The following PER2 variants were observed in gnomAD, a reference collection of about 807,000 sequenced individuals.
PER2 encodes period circadian protein homolog 2.
Under a neutral mutation model 121.0 loss-of-function variants are expected in PER2, and 66 were observed. That is an observed-to-expected ratio of 0.55 (90% confidence interval 0.45 to 0.67). The LOEUF is 0.67. Ranked by LOEUF, PER2 falls within the 30% of genes least tolerant of loss-of-function variation. The probability of loss-of-function intolerance (pLI) is 0.00; values close to 1 mark genes in which losing one functional copy is unlikely to be tolerated. For missense variants in PER2, 1,521 were observed against 1,635.0 expected (o/e 0.93, Z 1.20); for synonymous variants, 684 against 659.9 (o/e 1.04, Z -0.56).
At chr2:238,250,816 A>G (rs1695578255) in intron 20 of PER2, 73 bp from the exon 21 acceptor site, 1 of 1,088,460 alleles carries the variant, frequency 9.2e-7, no homozygotes, top group Non-Finnish European at 1.4e-6. Context: ...GTGCTTCCTC[A>G]AAGTCAGAAT....
At position 238,261,758 on chromosome 2, in the gene PER2, T is replaced by C; in HGVS notation, c.1387A>G (p.Thr463Ala). ...KALHPSIQEL[T>A]EQIHRLLLQP... ...AGCAGGAGCCGGTGGATCTGCTCTG[T>C]GAGCTCCTGAATGCTGGGGTGCAGG... The change falls in exon 12 of 23, where the codon ACA (threonine) becomes GCA (alanine). Residue 463 changes from threonine to alanine, a missense_variant. Coordinates refer to ENST00000254657, the MANE Select transcript of PER2 (RefSeq NM_022817.3). The C allele has an allele frequency of 6.4e-7, 1 of 1,566,028 alleles. No individual in the cohort carries two copies. Among genetic ancestry groups the C allele is most frequent in the Non-Finnish European group, 8.7e-7 (1 of 1,153,078 alleles).
chr2:238,251,656 C>G lies in PER2; in HGVS notation c.3217G>C (p.Ala1073Pro). The G allele has an allele frequency of 6.2e-7, 1 of 1,614,228 alleles. No homozygotes were observed. Among genetic ancestry groups the G allele is most frequent in the South Asian group, 1.1e-5 (1 of 91,092 alleles). The change falls in exon 20 of 23, where the codon GCT (alanine) becomes CCT (proline). Residue 1073 changes from alanine (A) to proline (P), a missense_variant. Ala to Pro is a conservative substitution (Grantham distance 27). Coordinates refer to ENST00000254657, the MANE Select transcript of PER2 (RefSeq NM_022817.3). ...GAGCCGGAGCCCAGAGACTCCGAAG[C>G]AGCAGAGCCCGAGGCTGAGCAGAGG... ...EDLCSASGSAASESLGSGSLG... is the reference protein window; with the variant it reads ...EDLCSASGSAPSESLGSGSLG...
upstream of PER2, among the ~76,000 whole-genome samples, chr2:238,294,739 C>T (rs1381738126): frequency 6.6e-6 from 1 of 152,226 alleles, no homozygotes; most frequent in African/African-American, 2.4e-5. Context: ...CCCTCACCAC[C>T]CTGCCCCTAT....
upstream of PER2, among the ~76,000 whole-genome samples, chr2:238,290,922 CA>C (rs1021149923): frequency 2.0e-5 from 3 of 152,204 alleles, no homozygotes; most frequent in Admixed American, 1.3e-4. Flanking sequence ...TGAGCTCCTA[CA>C]ATCAGGCCAA....
At chr2:238,286,199 T>C (rs148110136) in intron 1 of PER2, among the ~76,000 whole-genome samples, 178 of 152,330 alleles carry the variant, frequency 1.2e-3, no homozygotes, top group African/African-American at 4.2e-3. Context: ...CTACTCCGAA[T>C]TGCAGGAAGC....
At chr2:238,292,858 C>A (rs1696971367), upstream of PER2, among the ~76,000 whole-genome samples, 1 of 151,650 alleles carries the variant, frequency 6.6e-6, no homozygotes, top group African/African-American at 2.4e-5. Flanking sequence ...CTGCCTCAGC[C>A]TCCTGAGTAG....
intron 1 of PER2, among the ~76,000 whole-genome samples, chr2:238,282,066 C>T (rs1003352688): frequency 7.9e-5 from 12 of 152,218 alleles, no homozygotes; most frequent in African/African-American, 2.9e-4. Flanking sequence ...AGGGGCTTAG[C>T]TTACGCCCGG....
At chr2:238,297,186 C>T in the PER2 span, among the ~76,000 whole-genome samples, 3 of 151,380 alleles carry the variant, frequency 2.0e-5, no homozygotes, top group South Asian at 2.1e-4. Context: ...CCACGCTCTG[C>T]GGCTGGCCAA....
At chr2:238,282,989 G>A (rs1222840808) in intron 1 of PER2, among the ~76,000 whole-genome samples, 1 of 152,240 alleles carries the variant, frequency 6.6e-6, no homozygotes, top group East Asian at 1.9e-4. Context: ...ACCTGAGGCT[G>A]GCACTGGGCA....
rs776421726 is a variant in PER2, at chr2:238,257,057, G to A, written c.1930C>T (p.Arg644Cys). 25 of 1,612,974 alleles carry A rather than the reference G, an allele frequency of 1.5e-5. 1 individual carries two copies. In the African/African-American group the frequency reaches 2.1e-4, roughly 14 times the overall value. The part of the protein sequence containing the change: ...EAEPPSRVNS[R>C]TGVGTHLTSL... ...GTCAGGTGCGTACCTACTCCCGTGC[G>A]GCTGTTCACCCTGGAGGGCGGCTCT... Residue 644 changes from arginine (R) to cysteine (C), a missense_variant, in exon 17 of 23, where the codon CGC becomes TGC. Coordinates refer to ENST00000254657, the MANE Select transcript of PER2 (RefSeq NM_022817.3).
chr2:238,284,215 G>A (rs1167368887), intron 1 of PER2, among the ~76,000 whole-genome samples: 1 of 152,080 alleles, frequency 6.6e-6, no homozygotes, highest in African/African-American at 2.4e-5. Context: ...AGGCTGAGGC[G>A]GTGGATCACC....
intron 3 of PER2, among the ~76,000 whole-genome samples, chr2:238,276,817 A>G (rs750117892): frequency 3.9e-5 from 6 of 152,198 alleles, no homozygotes; most frequent in South Asian, 2.1e-4. Flanking sequence ...ACATAGGGTA[A>G]GTTTGTTACA....
At chr2:238,295,580 C>T in the PER2 span, 1 of 152,504 alleles carries the variant, frequency 6.6e-6, no homozygotes, top group East Asian at 1.9e-4. Flanking sequence ...CGGTGAGTGA[C>T]CGCTTTCCTG....
intron 1 of PER2, among the ~76,000 whole-genome samples, chr2:238,284,441 C>CA (rs199867354): frequency 0.032 from 2,647 of 82,858 alleles, 54 homozygotes; most frequent in East Asian, 0.1. Flanking sequence ...GACTCTATCT[C>CA]AAAAAAAAAA....
Position 238,250,694 on chromosome 2 carries a change from G to A in PER2, c.3324C>T (p.Ser1108=), listed in dbSNP as rs1033701172. Residue 1108 remains serine, a synonymous_variant, in exon 21 of 23, where the codon TCC becomes TCT. Coordinates refer to ENST00000254657, the MANE Select transcript of PER2 (RefSeq NM_022817.3). Reference sequence around the variant, plus strand: ...TTTTTGCTTTGTGATTATTCTCTGAGGAGTCAATGCTTCCAAAATATTTGC... The same window carrying A: ...TTTTTGCTTTGTGATTATTCTCTGAAGAGTCAATGCTTCCAAAATATTTGC... The part of the protein sequence containing the change: ...HTSKYFGSID[S]SENNHKAKMN... 3 of 1,613,758 alleles carry A rather than the reference G, an allele frequency of 1.9e-6. No homozygotes were observed. The highest frequency in any genetic ancestry group is 2.7e-5 in the African/African-American group (2 of 74,930).
chr2:238,255,701 T>G lies in PER2; in HGVS notation c.2276A>C (p.His759Pro), dbSNP rs1051184081. 3 of 1,614,098 alleles carry G rather than the reference T, an allele frequency of 1.9e-6. No homozygotes were observed. In the African/African-American group the frequency reaches 4.0e-5, roughly 22 times the overall value. The change falls in exon 18 of 23, where the codon CAT becomes CCT. Residue 759 changes from histidine to proline, a missense_variant. Physicochemically the swap from His to Pro is moderately conservative, Grantham distance 77 (BLOSUM62 -2). Coordinates refer to ENST00000254657, the MANE Select transcript of PER2 (RefSeq NM_022817.3). ...CTTGGATCTTTCTTGCAAGTAGTAA[T>G]GGCAGTGGGACTGGAAAATGCTGAG... ...RKLSIFQSHC[H>P]YYLQERSKGQ...
At chr2:238,294,237 T>C (rs1299619581), upstream of PER2, among the ~76,000 whole-genome samples, 1 of 152,212 alleles carries the variant, frequency 6.6e-6, no homozygotes, top group Admixed American at 6.5e-5. Flanking sequence ...TGTCCCTCTC[T>C]GTCTAGTGTG....
In PER2 at chr2:238,267,537, G is replaced by C. The variant is rs564359172; in HGVS notation, c.967+519C>G. Among the ~76,000 whole-genome samples, 87 of 152,298 alleles carry C rather than the reference G, an allele frequency of 5.7e-4. No individual in the cohort carries two copies. The Middle Eastern group carries it at 0.014, about 24-fold the overall frequency. On this transcript the variant is annotated intron_variant, in intron 8 of 22. Coordinates refer to ENST00000254657, the MANE Select transcript of PER2 (RefSeq NM_022817.3). ...TGGAGAGTCATGTCAGTGCATGTCTGTCTGAGAGGAAGGGAAATTCCAGGA... is the reference window on the plus strand; with the variant it reads ...TGGAGAGTCATGTCAGTGCATGTCTCTCTGAGAGGAAGGGAAATTCCAGGA...
At chr2:238,259,854 A>T in intron 14 of PER2, 115 bp downstream of exon 14, 1 of 671,932 alleles carries the variant, frequency 1.5e-6, no homozygotes, top group Non-Finnish European at 2.8e-6. Flanking sequence ...GGGGTGTGAC[A>T]CGGCTACAAG....
Sources: gnomAD v4.1 joint callset for allele counts (sites outside exome capture counted in the v4.1 genomes callset) on GRCh38, gnomAD v4.1.1 for gene constraint, MANE v1.5 for transcripts, NCBI Gene and HGNC (gene_info 2026-07-23, HGNC 2026-07-21) for gene names.